The following RAB40C variants were observed in gnomAD, a reference collection of about 807,000 sequenced individuals.
The protein encoded by RAB40C is RAB40C, member RAS oncogene family.
A neutral mutation model predicts 28.1 loss-of-function variants in RAB40C; 8 were observed. That is an observed-to-expected ratio of 0.28 (90% CI 0.17 to 0.51). The LOEUF is 0.51. RAB40C is among the 20% of genes least tolerant of loss of function. The pLI is 0.97. For missense variants in RAB40C, 288 were observed against 405.9 expected (o/e 0.71, Z 2.50); for synonymous variants, 201 against 171.7 (o/e 1.17, Z -1.34).
chr16:596,597 C>T (rs2036130470), intron 1 of RAB40C: 1 of 315,248 alleles, frequency 3.2e-6, no homozygotes, highest in Non-Finnish European at 6.2e-6. Flanking sequence ...TGTGAGAAGG[C>T]GGGGAGACTG....
At chr16:591,546 G>C (rs2035998050) in intron 1 of RAB40C, among the ~76,000 whole-genome samples, 1 of 151,980 alleles carries the variant, frequency 6.6e-6, no homozygotes, top group Non-Finnish European at 1.5e-5. Flanking sequence ...AAATACCTCT[G>C]TAATGAGTTA....
chr16:598,335 G>A (rs568298488), intron 1 of RAB40C, among the ~76,000 whole-genome samples: 2 of 150,922 alleles, frequency 1.3e-5, no homozygotes, highest in South Asian at 4.2e-4. Flanking sequence ...CCGAGATCAC[G>A]CCACTGACTC....
chr16:592,840 G>A (rs1243474961), intron 1 of RAB40C, among the ~76,000 whole-genome samples: 3 of 152,256 alleles, frequency 2.0e-5, no homozygotes, highest in Admixed American at 6.5e-5. Flanking sequence ...TGGAGAGACA[G>A]GACCCTCCTT....
intron 1 of RAB40C, 45 bp from the exon 2 acceptor site, chr16:617,163 C>T: frequency 6.2e-7 from 1 of 1,607,734 alleles, no homozygotes; most frequent in Non-Finnish European, 8.5e-7. Context: ...CGGGCGCTCG[C>T]TCCAGGAGTG....
Position 627,359 on chromosome 16 carries a change from C to T in RAB40C, c.583C>T (p.Leu195Phe), listed in dbSNP as rs1354362718. Residue 195 changes from leucine (L) to phenylalanine (F), a missense_variant, in exon 6 of 6, where the codon CTC (leucine) becomes TTC (phenylalanine). Physicochemically the swap from Leu to Phe is conservative, Grantham distance 22 (BLOSUM62 0). Coordinates refer to ENST00000248139, the MANE Select transcript of RAB40C (RefSeq NM_021168.5). ...CCCCACAGTGTTCAGCCTGCAGGAC[C>T]TCTGCTGCCGGGCCATCGTCTCCTG... ...RPNRVFSLQD[L>F]CCRAIVSCTP... 6.2e-7 allele frequency: 1 copy of T among 1,613,386 alleles called. No homozygotes were observed. Among genetic ancestry groups the T allele is most frequent in the Non-Finnish European group, 8.5e-7 (1 of 1,179,844 alleles).
rs1346422228 is a variant in RAB40C, at chr16:627,555, C to A, written c.779C>A (p.Ser260Tyr). 6.2e-7 allele frequency: 1 copy of A among 1,613,090 alleles called. No homozygotes were observed. The highest frequency in any genetic ancestry group is 8.5e-7 in the Non-Finnish European group (1 of 1,179,574). Reference protein sequence around the residue: ...GGSKGNSLKRSKSIRPPQSPP... With the variant: ...GGSKGNSLKRYKSIRPPQSPP... Reference sequence around the variant, plus strand: ...AGCAAGGGCAACAGCCTCAAGAGGTCCAAGTCCATCCGTCCACCCCAGAGC... The same window carrying A: ...AGCAAGGGCAACAGCCTCAAGAGGTACAAGTCCATCCGTCCACCCCAGAGC... The change falls in exon 6 of 6, where the codon TCC becomes TAC. Residue 260 changes from serine to tyrosine, a missense_variant. By Grantham distance (144) the Ser-to-Tyr change is moderately radical. Around this residue, in one of 3 missense-constraint regions of RAB40C, gnomAD observed 57 missense variants for 55.3 expected, o/e 1.03. Transcript: ENST00000248139.
In RAB40C at chr16:624,892, T is replaced by C. The variant is rs1645282123; in HGVS notation, c.265-540T>C. ...CAGCCCAGAGCTGAGCTCCAAGTAA[T>C]TGGTCTCTAAGGGATGTGGCAAAAA... On this transcript the variant is annotated intron_variant, in intron 3 of 5. Transcript: ENST00000248139. 7.1e-6 allele frequency: 9 copies of C among 1,264,630 alleles called. No individual in the cohort carries two copies. In the African/African-American group the frequency reaches 7.7e-5, roughly 11 times the overall value. The allele number at this position is 1,264,630 out of a possible 1,614,324, so 78.3% of individuals were successfully genotyped here. A position where few individuals can be genotyped will look rare whatever the true frequency, so the allele number is the denominator to read the frequency against.
intron 1 of RAB40C, among the ~76,000 whole-genome samples, chr16:607,957 CTG>C (rs991537500): frequency 1.3e-5 from 2 of 152,146 alleles, no homozygotes; most frequent in Middle Eastern, 3.2e-3. Context: ...GAGACCCCCT[CTG>C]AAGGGTGCCT....
intron 5 of RAB40C, 27 bp from the exon 6 acceptor site, chr16:627,315 T>C (rs2036858893): frequency 6.3e-7 from 1 of 1,599,172 alleles, no homozygotes; most frequent in South Asian, 1.1e-5. Flanking sequence ...CACAGCCCCA[T>C]GGTCTGACAC....
chr16:618,233 C>A lies in RAB40C; in HGVS notation c.237C>A (p.Ile79=). The A allele has an allele frequency of 1.2e-6, 2 of 1,613,710 alleles. No individual in the cohort carries two copies. The highest frequency in any genetic ancestry group is 1.7e-6 in the Non-Finnish European group (2 of 1,179,918). Residue 79 remains isoleucine, a synonymous_variant, in exon 3 of 6, where the codon ATC becomes ATA. Transcript: ENST00000248139. ...CGGGCCAGGGCCGGTTCTGCACCAT[C>A]TTCAGGTCCTACTCCAGGGGCGCTC... ...DTSGQGRFCT[I]FRSYSRGAQG... is the part of the protein sequence containing the mutation.
chr16:600,187 C>T (rs947179968), intron 1 of RAB40C, among the ~76,000 whole-genome samples: 4 of 152,228 alleles, frequency 2.6e-5, no homozygotes, highest in South Asian at 2.1e-4. Context: ...CCTGAGTTCC[C>T]GGAGCTCCCT....
chr16:606,948 C>G (rs2036372187), intron 1 of RAB40C, among the ~76,000 whole-genome samples: 2 of 152,222 alleles, frequency 1.3e-5, no homozygotes, highest in Admixed American at 1.3e-4. Flanking sequence ...AGCCCCTGCA[C>G]TGTGCCCTGC....
At chr16:618,525 G>T (rs2151076683) in intron 3 of RAB40C, among the ~76,000 whole-genome samples, 1 of 152,396 alleles carries the variant, frequency 6.6e-6, no homozygotes, top group South Asian at 2.1e-4. Context: ...CAGTAGCTGG[G>T]AGTACAGGCG....
At chr16:617,395 C>T (rs2036609675) in intron 2 of RAB40C, 127 bp downstream of exon 2, 1 of 1,092,196 alleles carries the variant, frequency 9.2e-7, no homozygotes. Context: ...TTACACAGCC[C>T]CTGTTTAAAC....
chr16:592,585 C>G (rs1488797372), intron 1 of RAB40C, among the ~76,000 whole-genome samples: 1 of 152,270 alleles, frequency 6.6e-6, no homozygotes, highest in Non-Finnish European at 1.5e-5. Context: ...TTGGTAACTC[C>G]TGACTCAGGT....
chr16:615,892 G>A (rs1287376763), intron 1 of RAB40C, among the ~76,000 whole-genome samples: 3 of 151,970 alleles, frequency 2.0e-5, no homozygotes, highest in Non-Finnish European at 2.9e-5. Context: ...AACCCGGGAG[G>A]TGGAGGTTGT....
intron 4 of RAB40C, 94 bp from the exon 5 acceptor site, chr16:625,805 C>T (rs1418904419): frequency 7.9e-7 from 1 of 1,261,732 alleles, no homozygotes; most frequent in Non-Finnish European, 1.1e-6. Flanking sequence ...GGCCCTCACC[C>T]CATCATAGTC....
chr16:627,034 A>G (rs2036853505), intron 5 of RAB40C, among the ~76,000 whole-genome samples: 1 of 152,228 alleles, frequency 6.6e-6, no homozygotes, highest in Admixed American at 6.5e-5. Context: ...GAAGGGCCAG[A>G]TCACGCAGCC....
intron 1 of RAB40C, among the ~76,000 whole-genome samples, chr16:609,176 G>A (rs546863675): frequency 5.3e-5 from 8 of 152,262 alleles, no homozygotes; most frequent in Non-Finnish European, 1.2e-4. Flanking sequence ...TGGGAACAGC[G>A]GTGCTGCCAC....
Sources: allele counts gnomAD v4.1 joint callset (sites outside exome capture counted in the v4.1 genomes callset), GRCh38; gene constraint gnomAD v4.1.1; regional missense constraint gnomAD v4.1.1; transcripts MANE v1.5; gene names NCBI Gene and HGNC (gene_info 2026-07-23, HGNC 2026-07-21).